Variants in AARS2 observed in about 807,000 individuals in gnomAD.
AARS2 encodes alanine--tRNA ligase, mitochondrial.
Under a neutral mutation model 119.7 loss-of-function variants are expected in AARS2, and 78 were observed. That is an observed-to-expected ratio of 0.65 (90% CI 0.54 to 0.79). The LOEUF is 0.79. AARS2 is among the 30% of genes least tolerant of loss of function. AARS2 has a pLI of 0.00. For missense variants in AARS2, 1,157 were observed against 1,291.3 expected (o/e 0.90, Z 1.59); for synonymous variants, 502 against 526.3 (o/e 0.95, Z 0.63).
Position 44,313,290 on chromosome 6 carries a change from G to C in AARS2, c.34C>G (p.Leu12Val). ...GGCGACCTTCGAATGGCCCGCCGCA[G>C]CCTCCGGGCTGCAGCTGCCACTGAC... ...AASVAAAARR[L>V]RRAIRRSPAW... Residue 12 changes from leucine (L) to valine (V), a missense_variant, in exon 1 of 22, where the codon CTG becomes GTG. Physicochemically the swap from Leu to Val is conservative, Grantham distance 32. Coordinates refer to ENST00000244571, the MANE Select transcript of AARS2 (RefSeq NM_020745.4). The C allele has an allele frequency of 6.3e-7, 1 of 1,598,566 alleles. No individual in the cohort carries two copies. Among genetic ancestry groups the C allele is most frequent in the African/African-American group, 1.3e-5 (1 of 74,336 alleles).
chr6:44,302,081 G>A lies in AARS2; in HGVS notation c.2577C>T (p.Ile859=), dbSNP rs764317841. 9.3e-6 allele frequency: 15 copies of A among 1,614,126 alleles called. No individual in the cohort carries two copies. The Admixed American group carries it at 2.3e-4, about 25-fold the overall frequency. ...TCACCTGTCCCATTTGCAGCTTACG[G>A]ATGGCAGTGTTGGCACGCCGCTGCA... ...KMLQRRANTA[I]RKLQMGQAAK... is the part of the protein sequence containing the mutation. Residue 859 remains isoleucine (I), a synonymous_variant, in exon 19 of 22, where the codon ATC becomes ATT. Transcript: ENST00000244571.
rs1181929457 is a variant in AARS2, at chr6:44,305,563, C to T, written c.1434+90G>A. On this transcript the variant is annotated intron_variant, in intron 10 of 21. Transcript: ENST00000244571. The surrounding 1 kb of genome is among the most constrained non-coding windows in gnomAD (Gnocchi z 4.6). ...AGATCCTATCTCAGCCTCTTGATTCCTCTCAATATTCACAGCTCCTCCCCC... is the reference window on the plus strand; with the variant it reads ...AGATCCTATCTCAGCCTCTTGATTCTTCTCAATATTCACAGCTCCTCCCCC... 9.5e-6 allele frequency: 15 copies of T among 1,586,620 alleles called. No individual in the cohort carries two copies. In the East Asian group the frequency reaches 3.4e-4, roughly 35 times the overall value.
rs1561942976 is a variant in AARS2 at position 44,310,876 on chromosome 6, G to A, written c.749+118C>T. 6 of 1,332,704 alleles carry A rather than the reference G, an allele frequency of 4.5e-6. No individual in the cohort carries two copies. In the Middle Eastern group the frequency reaches 7.4e-4, roughly 164 times the overall value. The allele number at this position is 1,332,704 out of a possible 1,614,324, so 82.6% of individuals were successfully genotyped here. ...CTATAAGGTGTTGAGAATTGTGCCTGACACACGGTAAGCACCGTTTACATG... is the reference window on the plus strand; with the variant it reads ...CTATAAGGTGTTGAGAATTGTGCCTAACACACGGTAAGCACCGTTTACATG... On this transcript the variant is annotated intron_variant, in intron 4 of 21. Transcript: ENST00000244571.
Position 44,305,855 on chromosome 6 carries a change from G to A in AARS2, c.1301-69C>T, listed in dbSNP as rs1785798938. On this transcript the variant is annotated intron_variant, in intron 9 of 21. Transcript: ENST00000244571. The surrounding 1 kb of genome is among the most constrained non-coding windows in gnomAD (Gnocchi z 4.6). ...AGACAAAGAAGGGGAGAAAAATAAG[G>A]TCCAGGGCCCTTCTAACCACGCAGA... 6.3e-7 allele frequency: 1 copy of A among 1,589,658 alleles called. No homozygotes were observed. The highest frequency in any genetic ancestry group is 1.3e-5 in the African/African-American group (1 of 74,472).
chr6:44,309,994 G>A (rs1786207572), intron 5 of AARS2, among the ~76,000 whole-genome samples: 1 of 152,118 alleles, frequency 6.6e-6, no homozygotes, highest in African/African-American at 2.4e-5. Flanking sequence ...TCTCATGCTA[G>A]CATATAATCT....
chr6:44,306,650 G>A (rs927648531), intron 7 of AARS2, 118 bp from the exon 8 acceptor site: 120 of 1,243,160 alleles, frequency 9.7e-5, no homozygotes, highest in Non-Finnish European at 1.4e-4. Flanking sequence ...TGAGGGGCTG[G>A]GAGAGGGACT....
At chr6:44,304,141 G>C (rs1247909872) in intron 14 of AARS2, 40 bp downstream of exon 14, 2 of 1,611,384 alleles carry the variant, frequency 1.2e-6, no homozygotes, top group South Asian at 1.1e-5. Context: ...TTTTATGCCT[G>C]TCACCTCACA....
intron 19 of AARS2, 138 bp downstream of exon 19, chr6:44,301,922 G>T: frequency 1.2e-6 from 1 of 846,216 alleles, no homozygotes; most frequent in Non-Finnish European, 1.9e-6. Context: ...ATGGTTCTCA[G>T]CTGGCAGGAG....
Position 44,313,320 on chromosome 6 carries a change from C to T in AARS2, c.4G>A (p.Ala2Thr), listed in dbSNP as rs1376399769. Residue 2 changes from alanine to threonine, a missense_variant, in exon 1 of 22, where the codon GCA (alanine) becomes ACA (threonine). Ala to Thr is a moderately conservative substitution (Grantham distance 58). Transcript: ENST00000244571. Reference protein sequence around the residue: MAASVAAAARRL... With the variant: MTASVAAAARRL... ...CGGGCTGCAGCTGCCACTGACGCTG[C>T]CATCGTAGCTCCGGGCAGTGACTTT... 5.0e-6 allele frequency: 8 copies of T among 1,601,192 alleles called. No individual in the cohort carries two copies. Among genetic ancestry groups the T allele is most frequent in the Admixed American group, 1.7e-5 (1 of 59,716 alleles).
chr6:44,307,821 T>TC lies in AARS2; in HGVS notation c.895-428dup, dbSNP rs1785996594. ...CGGGCCTGTTGGACTCCAGGTGCTCTCCACTACCTGTTCTTGCCTCTCCCA... is the reference window on the plus strand; with the variant it reads ...CGGGCCTGTTGGACTCCAGGTGCTCTCCCACTACCTGTTCTTGCCTCTCCCA... On this transcript the variant is annotated intron_variant, in intron 5 of 21. Coordinates refer to ENST00000244571, the MANE Select transcript of AARS2 (RefSeq NM_020745.4). The surrounding 1 kb of genome is among the most constrained non-coding windows in gnomAD (Gnocchi z 4.4). 1.3e-5 allele frequency among the ~76,000 whole-genome samples: 2 copies of TC among 151,948 alleles called. No individual in the cohort carries two copies. Among genetic ancestry groups the TC allele is most frequent in the Admixed American group, 1.3e-4 (2 of 15,280 alleles).
intron 1 of AARS2, 105 bp downstream of exon 1, chr6:44,312,976 A>G: frequency 6.5e-7 from 1 of 1,538,082 alleles, no homozygotes; most frequent in Non-Finnish European, 8.8e-7. Context: ...TCTTTCCCCA[A>G]AAGCTACGAA....
chr6:44,310,019 C>T (rs1786210310), intron 5 of AARS2, among the ~76,000 whole-genome samples: 1 of 152,156 alleles, frequency 6.6e-6, no homozygotes, highest in African/African-American at 2.4e-5. Flanking sequence ...GATCTCTTTC[C>T]TGCTTACTGC....
In AARS2 at chr6:44,298,738, A is replaced by G. The variant is rs1785121319; in HGVS notation, c.*1809T>C. On this transcript the variant is annotated 3_prime_UTR_variant, in exon 22 of 22. Coordinates refer to ENST00000244571, the MANE Select transcript of AARS2 (RefSeq NM_020745.4). ...TGCCAGGCGGGCCCACGCTGCTCGA[A>G]TAATTTTTACTAGACAGAATTTGGT... 6.6e-6 allele frequency among the ~76,000 whole-genome samples: 1 copy of G among 152,238 alleles called. No individual in the cohort carries two copies. Among genetic ancestry groups the G allele is most frequent in the Non-Finnish European group, 1.5e-5 (1 of 68,042 alleles).
chr6:44,301,516 A>G, intron 19 of AARS2, 52 bp from the exon 20 acceptor site: 1 of 1,519,962 alleles, frequency 6.6e-7, no homozygotes, highest in Admixed American at 1.7e-5. Context: ...GCAGGTTTCC[A>G]ATTAGCCCCA....
chr6:44,306,174 G>A lies in AARS2; in HGVS notation c.1300+106C>T, dbSNP rs1316014547. On this transcript the variant is annotated intron_variant, in intron 9 of 21. Transcript: ENST00000244571. The stretch of plus-strand genomic sequence containing the variant: ...CAGGGAGAAAGGAACATTGGGAAGA[G>A]GTCAGGGGTGGATATGAGGCATGGG... 10 of 1,058,780 alleles carry A rather than the reference G, an allele frequency of 9.4e-6. No homozygotes were observed. The African/African-American group carries it at 1.2e-4, about 13-fold the overall frequency. 65.6% of individuals were successfully genotyped at this position (1,058,780 alleles called of 1,614,324 possible). A position where few individuals can be genotyped will look rare whatever the true frequency, so the allele number is the denominator to read the frequency against.
In AARS2 at chr6:44,305,166, C is replaced by T; in HGVS notation, c.1467G>A (p.Lys489=). ...CATGGACATCAAGCCACAATCCCTGCTTCTGAACTGGCTCAGCCTGCCGTG... is the reference window on the plus strand; with the variant it reads ...CATGGACATCAAGCCACAATCCCTGTTTCTGAACTGGCTCAGCCTGCCGTG... ...HRARQAEPVQ[K]QGLWLDVHAL... The change falls in exon 11 of 22, where the codon AAG becomes AAA. Residue 489 remains lysine (K), a synonymous_variant. Coordinates refer to ENST00000244571, the MANE Select transcript of AARS2 (RefSeq NM_020745.4). This position sits in a 1 kb window ranked among gnomAD's most constrained non-coding sequence, Gnocchi z 4.6. 2 of 1,613,420 alleles carry T rather than the reference C, an allele frequency of 1.2e-6. No homozygotes were observed. The highest frequency in any genetic ancestry group is 1.7e-6 in the Non-Finnish European group (2 of 1,180,028).
chr6:44,301,048 TTCCACCCAGCCTTGG>T lies in AARS2; in HGVS notation c.2793+93_2793+107del, dbSNP rs1785308655. The T allele has an allele frequency of 3.9e-6, 4 of 1,037,580 alleles. No individual in the cohort carries two copies. The African/African-American group carries it at 6.9e-5, about 18-fold the overall frequency. The allele number at this position is 1,037,580 out of a possible 1,614,324, so 64.3% of individuals were successfully genotyped here. ...TGTCCTGGAGTATCCTCATAGATAC[TTCCACCCAGCCTTGG>T]CCCCTTTGGGAGGAATTAAAGGTGT... On this transcript the variant is annotated intron_variant, in intron 21 of 21. Transcript: ENST00000244571.
Position 44,303,100 on chromosome 6 carries a change from C to A in AARS2, c.2221G>T (p.Ala741Ser), listed in dbSNP as rs536579476. The A allele has an allele frequency of 1.2e-6, 2 of 1,614,098 alleles. No individual in the cohort carries two copies. The highest frequency in any genetic ancestry group is 1.7e-6 in the Non-Finnish European group (2 of 1,180,042). The change falls in exon 16 of 22, where the codon GCA becomes TCA. Residue 741 changes from alanine to serine, a missense_variant. Coordinates refer to ENST00000244571, the MANE Select transcript of AARS2 (RefSeq NM_020745.4). ...CATAGCTCCACAGAGGTCTGCAGTGCGGCTTGGGAGGCTGGGTCCAATGCA... is the reference window on the plus strand; with the variant it reads ...CATAGCTCCACAGAGGTCTGCAGTGAGGCTTGGGAGGCTGGGTCCAATGCA... The part of the protein sequence containing the change: ...AHALDPASQA[A>S]LQTSVELCCG...
rs146512155 is a variant in AARS2, at chr6:44,305,099, C to T, written c.1534G>A (p.Asp512Asn). The change falls in exon 11 of 22, where the codon GAC becomes AAC. Residue 512 changes from aspartate to asparagine, a missense_variant. By Grantham distance (23) the Asp-to-Asn change is conservative. Coordinates refer to ENST00000244571, the MANE Select transcript of AARS2 (RefSeq NM_020745.4). This position sits in a 1 kb window ranked among gnomAD's most constrained non-coding sequence, Gnocchi z 4.6. ...AGGGAGTAGTTGTACTTGGGGCTGT[C>T]GTCAGTTGGGGGCACTCCTTGGCGC... ...LQRQGVPPTD[D>N]SPKYNYSLRP... 1.1e-5 allele frequency: 18 copies of T among 1,613,950 alleles called. No individual in the cohort carries two copies. Among genetic ancestry groups the T allele is most frequent in the South Asian group, 2.2e-5 (2 of 91,092 alleles).
Sources: allele counts gnomAD v4.1 joint callset (sites outside exome capture counted in the v4.1 genomes callset), GRCh38; gene constraint gnomAD v4.1.1; non-coding constraint Gnocchi (gnomAD v3.1); transcripts MANE v1.5; gene names NCBI Gene and HGNC (gene_info 2026-07-23, HGNC 2026-07-21).